OXTR: variants seen among roughly 807,000 people sequenced by gnomAD.
The protein encoded by OXTR is oxytocin receptor.
A neutral mutation model predicts 23.9 loss-of-function variants in OXTR; 19 were observed. The observed-to-expected ratio is 0.80, with a 90% confidence interval of 0.56 to 1.17. The LOEUF is 1.17. Among genes scored for constraint, OXTR ranks in the 50% most tolerant of loss-of-function variants. The probability of loss-of-function intolerance (pLI) is 0.00; values close to 1 mark genes in which losing one functional copy is unlikely to be tolerated. For missense variants in OXTR, 500 were observed against 550.7 expected, an observed-to-expected ratio of 0.91 and a Z score of 0.92; for synonymous variants, 278 against 250.5, an observed-to-expected ratio of 1.11 and a Z score of -1.04.
At chr3:8,744,157 C>T in the OXTR span, among the ~76,000 whole-genome samples, 7 of 152,270 alleles carry the variant, frequency 4.6e-5, no homozygotes, top group African/African-American at 1.4e-4. Context: ...AGAACAGTTT[C>T]AGGCATTAGC....
At chr3:8,762,064 A>T (rs940783617) in intron 3 of OXTR, among the ~76,000 whole-genome samples, 7 of 152,202 alleles carry the variant, frequency 4.6e-5, no homozygotes, top group Non-Finnish European at 8.8e-5. Context: ...TGGTAAGGTC[A>T]GCAGGTGGGC....
chr3:8,748,502 C>T (rs1297117680), downstream of OXTR, among the ~76,000 whole-genome samples: 1 of 152,208 alleles, frequency 6.6e-6, no homozygotes, highest in Non-Finnish European at 1.5e-5. Flanking sequence ...AACTCTGAAG[C>T]CCTGCAGGGA....
intron 3 of OXTR, among the ~76,000 whole-genome samples, chr3:8,762,605 A>C (rs1220031399): frequency 6.6e-6 from 1 of 152,110 alleles, no homozygotes; most frequent in East Asian, 1.9e-4. Context: ...CTCAAGAAAA[A>C]GCCCCTCCAA....
Position 8,768,207 on chromosome 3 carries a change from C to T in OXTR, c.-20G>A, listed in dbSNP as rs1314497438. 4.7e-6 allele frequency: 6 copies of T among 1,280,422 alleles called. No individual in the cohort carries two copies. In the East Asian group the frequency reaches 1.6e-4, roughly 34 times the overall value. The allele number at this position is 1,280,422 out of a possible 1,614,324, so 79.3% of individuals were successfully genotyped here. A position where few individuals can be genotyped will look rare whatever the true frequency, so the allele number is the denominator to read the frequency against. ...CTCCATGACCCTGGCGGCAGCGGTG[C>T]GCCCCGGCCTTCGAGCCCTTTACGG... On this transcript the variant is annotated 5_prime_UTR_variant, in exon 3 of 4. Coordinates refer to ENST00000316793, the MANE Select transcript of OXTR (RefSeq NM_000916.4). This position sits in a 1 kb window ranked among gnomAD's most constrained non-coding sequence, Gnocchi z 5.4.
the OXTR span, chr3:8,742,659 T>C: frequency 2.6e-6 from 1 of 387,204 alleles, no homozygotes; most frequent in East Asian, 7.4e-5. Flanking sequence ...CCAGGCATTG[T>C]GCTAAGCACT....
the OXTR span, among the ~76,000 whole-genome samples, chr3:8,743,028 C>T: frequency 2.0e-5 from 3 of 152,156 alleles, no homozygotes; most frequent in South Asian, 2.1e-4. Context: ...TATCACATGG[C>T]GAGAGAGGGA....
At chr3:8,763,074 G>A (rs1302537149) in intron 3 of OXTR, among the ~76,000 whole-genome samples, 1 of 152,164 alleles carries the variant, frequency 6.6e-6, no homozygotes, top group Non-Finnish European at 1.5e-5. Flanking sequence ...CATTGGACTT[G>A]GGCTTAACAA....
downstream of OXTR, among the ~76,000 whole-genome samples, chr3:8,750,197 C>T (rs56898713): frequency 0.17 from 26,137 of 152,098 alleles, 3,092 homozygotes; most frequent in African/African-American, 0.34. Context: ...CAAGGCATCA[C>T]TTGTGCCTTT....
intron 3 of OXTR, among the ~76,000 whole-genome samples, chr3:8,761,372 G>A (rs113264292): frequency 0.015 from 2,254 of 152,270 alleles, 25 homozygotes; most frequent in Non-Finnish European, 0.02. Context: ...CAAGATGTCA[G>A]GACCTTGGGG....
At chr3:8,758,592 C>T (rs1358921922) in intron 3 of OXTR, among the ~76,000 whole-genome samples, 1 of 152,188 alleles carries the variant, frequency 6.6e-6, no homozygotes, top group African/African-American at 2.4e-5. Flanking sequence ...AAGATTGAGT[C>T]TCAATATACA....
chr3:8,745,226 C>A, the OXTR span, among the ~76,000 whole-genome samples: 1 of 152,284 alleles, frequency 6.6e-6, no homozygotes, highest in South Asian at 2.1e-4. The surrounding 1 kb of genome is among the most constrained non-coding windows in gnomAD (Gnocchi z 4.8). Flanking sequence ...GACGCCTGCT[C>A]TCCCTTCTCT....
downstream of OXTR, chr3:8,746,469 C>T (rs931056511): frequency 1.3e-5 from 2 of 152,436 alleles, no homozygotes; most frequent in African/African-American, 4.8e-5. Context: ...GTACACGTTC[C>T]TTGGAAGATC....
At chr3:8,762,993 G>A (rs1426564019) in intron 3 of OXTR, among the ~76,000 whole-genome samples, 1 of 152,138 alleles carries the variant, frequency 6.6e-6, no homozygotes, top group Non-Finnish European at 1.5e-5. Flanking sequence ...ATCAATGACT[G>A]TGCAGCCTTG....
chr3:8,749,024 C>G (rs1358100498), downstream of OXTR, among the ~76,000 whole-genome samples: 1 of 152,134 alleles, frequency 6.6e-6, no homozygotes, highest in African/African-American at 2.4e-5. Context: ...TGGTTGTAAA[C>G]AAGTCTGAAA....
chr3:8,743,992 G>A, the OXTR span, among the ~76,000 whole-genome samples: 5 of 152,060 alleles, frequency 3.3e-5, no homozygotes, highest in South Asian at 2.1e-4. Flanking sequence ...TAACCAAGGC[G>A]GGAAAGGGAC....
Position 8,768,080 on chromosome 3 carries a change from C to G in OXTR, c.108G>C (p.Glu36Asp). The change falls in exon 3 of 4, where the codon GAG (glutamate) becomes GAC (aspartate). Residue 36 changes from glutamate (E) to aspartate (D), a missense_variant. Glu to Asp is a conservative substitution (Grantham distance 45). Transcript: ENST00000316793. This position sits in a 1 kb window ranked among gnomAD's most constrained non-coding sequence, Gnocchi z 5.4. ...CCGCCACCTCCACGCGCGCCAGGGC[C>G]TCGTTGCGCCGCGGGGGTCCGGCGG... ...NRTAGPPRRN[E>D]ALARVEVAVL... is the part of the protein sequence containing the mutation. 1 of 1,493,332 alleles carries G rather than the reference C, an allele frequency of 6.7e-7. No individual in the cohort carries two copies. The highest frequency in any genetic ancestry group is 8.9e-7 in the Non-Finnish European group (1 of 1,122,604). 92.5% of individuals were successfully genotyped at this position (1,493,332 alleles called of 1,614,324 possible). A position where few individuals can be genotyped will look rare whatever the true frequency, so the allele number is the denominator to read the frequency against.
chr3:8,742,757 A>G, the OXTR span, among the ~76,000 whole-genome samples: 1 of 152,120 alleles, frequency 6.6e-6, no homozygotes, highest in Non-Finnish European at 1.5e-5. Context: ...GATGGATGAA[A>G]GGATGGATGG....
At chr3:8,742,473 G>A in the OXTR span, 2 of 456,498 alleles carry the variant, frequency 4.4e-6, no homozygotes, top group Non-Finnish European at 4.4e-6. Context: ...GTAAGGAAAG[G>A]AGGACTCCAT....
chr3:8,749,567 T>A (rs115964100), downstream of OXTR, among the ~76,000 whole-genome samples: 1 of 152,212 alleles, frequency 6.6e-6, no homozygotes. Context: ...AGCTCACCAG[T>A]GCTCCAGTAC....
Sources: allele counts gnomAD v4.1 joint callset (sites outside exome capture counted in the v4.1 genomes callset), GRCh38; gene constraint gnomAD v4.1.1; non-coding constraint Gnocchi (gnomAD v3.1); transcripts MANE v1.5; gene names NCBI Gene and HGNC (gene_info 2026-07-23, HGNC 2026-07-21).